NELFCD: variants seen among roughly 807,000 people sequenced by gnomAD.
NELFCD encodes negative elongation factor C/D.
NELFCD carries 48 observed loss-of-function variants against 72.9 expected under a neutral mutation model. The observed-to-expected ratio is 0.66, with a 90% CI of 0.52 to 0.84. The LOEUF is 0.84. Among genes scored for constraint, NELFCD ranks in the 40% least tolerant of loss-of-function variants. The pLI, the probability that NELFCD is intolerant of heterozygous loss-of-function variation, is 0.00. For synonymous variants in NELFCD, 297 were observed against 280.6 expected, an observed-to-expected ratio of 1.06 and a Z score of -0.59; for missense variants, 538 against 723.8, an observed-to-expected ratio of 0.74 and a Z score of 2.94.
At chr20:58,988,821 C>T in intron 4 of NELFCD, 93 bp from the exon 5 acceptor site, 1 of 912,482 alleles carries the variant, frequency 1.1e-6, no homozygotes, top group Admixed American at 1.9e-5. Flanking sequence ...AGTCCATCAG[C>T]ACCAATCTCC....
chr20:58,983,422 C>T (rs1457740835), intron 1 of NELFCD, among the ~76,000 whole-genome samples: 3 of 150,400 alleles, frequency 2.0e-5, no homozygotes, highest in Non-Finnish European at 4.4e-5. Flanking sequence ...AGGCGTGAGC[C>T]ACCGCACCCG....
chr20:58,984,280 T>C (rs1256391206), intron 1 of NELFCD, among the ~76,000 whole-genome samples: 1 of 152,154 alleles, frequency 6.6e-6, no homozygotes, highest in Non-Finnish European at 1.5e-5. Flanking sequence ...GGGGCGTTTT[T>C]TCCTGAAGGA....
intron 4 of NELFCD, 87 bp downstream of exon 4, chr20:58,987,904 A>C: frequency 1.1e-6 from 1 of 945,058 alleles, no homozygotes; most frequent in South Asian, 1.4e-5. Flanking sequence ...CATATCATGT[A>C]AGTAATGGCA....
chr20:58,992,803 T>A (rs1438569125), intron 10 of NELFCD, among the ~76,000 whole-genome samples, 195 bp from the exon 11 acceptor site: 1 of 148,850 alleles, frequency 6.7e-6, no homozygotes, highest in Non-Finnish European at 1.5e-5. Flanking sequence ...GAGCCATGAT[T>A]GTGTCATTGT....
At position 58,984,866 on chromosome 20, in the gene NELFCD, G is replaced by A. The variant is rs183003211; in HGVS notation, c.61-1227G>A. 5.3e-5 allele frequency among the ~76,000 whole-genome samples: 8 copies of A among 152,330 alleles called. No individual in the cohort carries two copies. The East Asian group carries it at 1.5e-3, about 29-fold the overall frequency. On this transcript the variant is annotated intron_variant, in intron 1 of 14. Transcript: ENST00000652272. ...GTGGAAGCCCAAGAGAACAGACAAC[G>A]TGGGAATGAAGCTCGGGGTGAAGTC...
In NELFCD at chr20:58,986,094, A is replaced by C; in HGVS notation, c.62A>C (p.Gln21Pro). The C allele has an allele frequency of 6.2e-7, 1 of 1,607,408 alleles. No homozygotes were observed. Among genetic ancestry groups the C allele is most frequent in the Non-Finnish European group, 8.5e-7 (1 of 1,173,830 alleles). ...CTGGCTCTTCGCATTTACCAACAGC[A>C]GGAGGATGATTCTGGAGAAGGAGAG... The part of the protein sequence containing the change: ...EWGDEADGGQ[Q>P]EDDSGEGEDD... Residue 21 changes from glutamine (Q) to proline (P), a missense_variant and splice_region_variant, in exon 2 of 15, where the codon CAG becomes CCG. This residue lies in a region of NELFCD where 47 missense variants were observed against 35.3 expected (regional missense o/e 1.33). Transcript: ENST00000652272. The surrounding 1 kb of genome is among the most constrained non-coding windows in gnomAD (Gnocchi z 4.4).
chr20:58,993,904 C>A lies in NELFCD; in HGVS notation c.1581+140C>A. ...ATGACAATGACAGATACTCGTTTAC[C>A]AAAAAGCACCTTCTGCCTGCAGCAG... On this transcript the variant is annotated intron_variant, in intron 13 of 14. Coordinates refer to ENST00000652272, the MANE Select transcript of NELFCD (RefSeq NM_198976.4). This position sits in a 1 kb window ranked among gnomAD's most constrained non-coding sequence, Gnocchi z 5.0. 1.8e-6 allele frequency: 2 copies of A among 1,136,430 alleles called. No individual in the cohort carries two copies. The highest frequency in any genetic ancestry group is 2.5e-6 in the Non-Finnish European group (2 of 787,426). The allele number at this position is 1,136,430 out of a possible 1,614,324, so 70.4% of individuals were successfully genotyped here.
At position 58,981,359 on chromosome 20, in the gene NELFCD, A is replaced by G. The variant is rs760363849; in HGVS notation, c.50A>G (p.Asp17Gly). ...GSAAEWGDEADGGQQEDDSGE... is the reference protein window; with the variant it reads ...GSAAEWGDEAGGGQQEDDSGE... ...GCGGCCGAGTGGGGCGACGAGGCTG[A>G]CGGCGGCCAGGTGAGGCGGGGCACT... The change falls in exon 1 of 15, where the codon GAC becomes GGC. Residue 17 changes from aspartate to glycine, a missense_variant. Asp to Gly is a moderately conservative substitution (Grantham distance 94). Around this residue, in one of 3 missense-constraint regions of NELFCD, gnomAD observed 47 missense variants for 35.3 expected, o/e 1.33. Coordinates refer to ENST00000652272, the MANE Select transcript of NELFCD (RefSeq NM_198976.4). 3.6e-6 allele frequency: 4 copies of G among 1,107,290 alleles called. No homozygotes were observed. The South Asian group carries it at 1.1e-4, about 31-fold the overall frequency. The allele number at this position is 1,107,290 out of a possible 1,614,324, so 68.6% of individuals were successfully genotyped here. A position where few individuals can be genotyped will look rare whatever the true frequency, so the allele number is the denominator to read the frequency against.
rs946309781 is a variant in NELFCD at position 58,986,018 on chromosome 20, T to C, written c.61-75T>C. 1.2e-4 allele frequency: 112 copies of C among 951,756 alleles called. 1 individual carries two copies. The highest frequency in any genetic ancestry group is 1.7e-4 in the Admixed American group (10 of 58,566). The allele number at this position is 951,756 out of a possible 1,614,324, so 59.0% of individuals were successfully genotyped here. A position where few individuals can be genotyped will look rare whatever the true frequency, so the allele number is the denominator to read the frequency against. On this transcript the variant is annotated intron_variant, in intron 1 of 14. Transcript: ENST00000652272. The surrounding 1 kb of genome is among the most constrained non-coding windows in gnomAD (Gnocchi z 4.4). The stretch of plus-strand genomic sequence containing the variant: ...TAGAATACTTTCAAAATGGGCAGCA[T>C]TATACGATTTAAGGTGAGATTAGGG...
chr20:58,991,291 TG>T lies in NELFCD; in HGVS notation c.955-18del, dbSNP rs1483038564. 6.2e-7 allele frequency: 1 copy of T among 1,613,932 alleles called. No homozygotes were observed. The highest frequency in any genetic ancestry group is 8.5e-7 in the Non-Finnish European group (1 of 1,179,872). On this transcript the variant is annotated intron_variant, in intron 8 of 14. Transcript: ENST00000652272. ...TGCCCTCACGCCTGCCATCCCGAAC[TG>T]GGCATATGCTTCTCCTCAGATCCGC...
At chr20:58,984,475 T>C (rs1208367234) in intron 1 of NELFCD, among the ~76,000 whole-genome samples, 1 of 152,012 alleles carries the variant, frequency 6.6e-6, no homozygotes, top group Non-Finnish European at 1.5e-5. Context: ...CCACCTTGGA[T>C]AGACAGATGG....
At chr20:58,988,432 C>T (rs757910947) in intron 4 of NELFCD, among the ~76,000 whole-genome samples, 44 of 152,180 alleles carry the variant, frequency 2.9e-4, no homozygotes, top group Non-Finnish European at 5.3e-4. Flanking sequence ...GGAGCAGCCT[C>T]GGGGAGCTGG....
Position 58,991,399 on chromosome 20 carries a change from A to G in NELFCD, c.1042A>G (p.Ile348Val), listed in dbSNP as rs1173931647. 2.5e-6 allele frequency: 4 copies of G among 1,614,204 alleles called. No homozygotes were observed. The East Asian group carries it at 8.9e-5, about 36-fold the overall frequency. The change falls in exon 9 of 15, where the codon ATC becomes GTC. Residue 348 changes from isoleucine to valine, a missense_variant. By Grantham distance (29) the Ile-to-Val change is conservative. Around this residue, in one of 3 missense-constraint regions of NELFCD, gnomAD observed 355 missense variants for 534.5 expected, o/e 0.66. Transcript: ENST00000652272. ...CAACCAGGACCACAAGCACAAATAC[A>G]TCCACATCTTGGCGTACGCAGCAAG... ...RINQDHKHKY[I>V]HILAYAASVV...
intron 1 of NELFCD, among the ~76,000 whole-genome samples, chr20:58,983,208 C>T (rs995416971): frequency 6.6e-6 from 1 of 150,886 alleles, no homozygotes; most frequent in African/African-American, 2.4e-5. Context: ...TTGATCTCAG[C>T]TCGCTGCAAC....
In NELFCD at chr20:58,989,845, T is replaced by C. The variant is rs554301270; in HGVS notation, c.658-13T>C. 9.3e-6 allele frequency: 15 copies of C among 1,614,022 alleles called. No homozygotes were observed. The highest frequency in any genetic ancestry group is 1.6e-4 in the Middle Eastern group (1 of 6,084). On this transcript the variant is annotated splice_polypyrimidine_tract_variant and intron_variant, in intron 6 of 14. Coordinates refer to ENST00000652272, the MANE Select transcript of NELFCD (RefSeq NM_198976.4). ...TAGTAAACCCTGCCCCCTCTCTCCC[T>C]GCAATCTTGCAGAAGATGGTGTGCC...
At position 58,990,866 on chromosome 20, in the gene NELFCD, A is replaced by C. The variant is rs750424674; in HGVS notation, c.789-44A>C. ...ATGTGTAAAAAAGAACAGAAAAAAG[A>C]AGCTGCCTTGTTAGTAACGGGGTCT... On this transcript the variant is annotated intron_variant, in intron 7 of 14. Transcript: ENST00000652272. 21 of 1,538,474 alleles carry C rather than the reference A, an allele frequency of 1.4e-5. 1 individual carries two copies. Among genetic ancestry groups the C allele is most frequent in the Non-Finnish European group, 2.7e-6 (3 of 1,130,268 alleles).
At chr20:58,992,565 T>C (rs1366597977) in intron 10 of NELFCD, among the ~76,000 whole-genome samples, 5 of 152,228 alleles carry the variant, frequency 3.3e-5, no homozygotes, top group Non-Finnish European at 7.3e-5. Flanking sequence ...GCACCGCATG[T>C]TGAGTGGCTG....
intron 1 of NELFCD, among the ~76,000 whole-genome samples, chr20:58,982,018 G>A (rs2146346020): frequency 6.7e-6 from 1 of 148,648 alleles, no homozygotes; most frequent in Admixed American, 6.6e-5. Context: ...CTCTAGTCTG[G>A]ACAGTGTGTC....
chr20:58,993,938 CACA>C lies in NELFCD; in HGVS notation c.1582-171_1582-169del. On this transcript the variant is annotated intron_variant, in intron 13 of 14. Coordinates refer to ENST00000652272, the MANE Select transcript of NELFCD (RefSeq NM_198976.4). The surrounding 1 kb of genome is among the most constrained non-coding windows in gnomAD (Gnocchi z 5.0). ...CCTTCTGCCTGCAGCAGCTGTATGA[CACA>C]CTTTACCTCCATTACCACCCTGGGC... 9.4e-7 allele frequency: 1 copy of C among 1,060,116 alleles called. No individual in the cohort carries two copies. Among genetic ancestry groups the C allele is most frequent in the Non-Finnish European group, 1.4e-6 (1 of 718,060 alleles). 65.7% of individuals were successfully genotyped at this position (1,060,116 alleles called of 1,614,324 possible).
Sources: gnomAD v4.1 joint callset for allele counts (sites outside exome capture counted in the v4.1 genomes callset) on GRCh38, gnomAD v4.1.1 for gene constraint, gnomAD v4.1.1 regional missense constraint, Gnocchi (gnomAD v3.1) non-coding constraint, MANE v1.5 for transcripts, NCBI Gene and HGNC (gene_info 2026-07-23, HGNC 2026-07-21) for gene names.